TLX1: variants seen among roughly 807,000 people sequenced by gnomAD.
TLX1 encodes the protein T cell leukemia homeobox 1, also known as T-cell leukemia homeobox protein 1.
In TLX1, 6 loss-of-function variants were observed where a neutral mutation model predicts 26.5. That is an observed-to-expected ratio of 0.23 (90% CI 0.12 to 0.45). The LOEUF is 0.45. TLX1 is among the 20% of genes least tolerant of loss of function. The pLI, the probability that TLX1 is intolerant of heterozygous loss-of-function variation, is 0.99. For missense variants in TLX1, 418 were observed against 482.6 expected (o/e 0.87, Z 1.25); for synonymous variants, 217 against 219.7 (o/e 0.99, Z 0.11).
chr10:101,134,129 C>T, intron 1 of TLX1, 46 bp from the exon 2 acceptor site: 2 of 1,530,324 alleles, frequency 1.3e-6, no homozygotes, highest in Non-Finnish European at 1.8e-6. Context: ...CTGTCTGTCT[C>T]CCGCTCCAGT....
Position 101,137,294 on chromosome 10 carries a change from G to C in TLX1, c.*381G>C. ...TTGCCCTGGGAAACCCCTTCTCTGTGACCCACTTCTCATCACACACATGGA... is the reference window on the plus strand; with the variant it reads ...TTGCCCTGGGAAACCCCTTCTCTGTCACCCACTTCTCATCACACACATGGA... On this transcript the variant is annotated 3_prime_UTR_variant, in exon 3 of 3. Coordinates refer to ENST00000370196, the MANE Select transcript of TLX1 (RefSeq NM_005521.4). 1 of 332,684 alleles carries C rather than the reference G, an allele frequency of 3.0e-6. No individual in the cohort carries two copies. Among genetic ancestry groups the C allele is most frequent in the Non-Finnish European group, 5.6e-6 (1 of 179,378 alleles). 20.6% of individuals were successfully genotyped at this position (332,684 alleles called of 1,614,324 possible). A position where few individuals can be genotyped will look rare whatever the true frequency, so the allele number is the denominator to read the frequency against.
rs1293017815 is a variant in TLX1 at position 101,132,426 on chromosome 10, A to G, written c.568+317A>G. ...AGATTCAGGACCACCTTCTGCAGCT[A>G]CTCTTGGCCTGGGAATCTTAGAGAA... On this transcript the variant is annotated intron_variant, in intron 1 of 2. Transcript: ENST00000370196. This position sits in a 1 kb window ranked among gnomAD's most constrained non-coding sequence, Gnocchi z 4.1. 6.6e-6 allele frequency among the ~76,000 whole-genome samples: 1 copy of G among 151,870 alleles called. No individual in the cohort carries two copies. The highest frequency in any genetic ancestry group is 6.6e-5 in the Admixed American group (1 of 15,262).
intron 2 of TLX1, chr10:101,135,349 C>G (rs1410030724): frequency 1.9e-5 from 3 of 154,348 alleles, no homozygotes; most frequent in African/African-American, 7.2e-5. Context: ...TTTTTCTGAA[C>G]GAAGGCGAGG....
chr10:101,131,527 G>GGGGCCA lies in TLX1; in HGVS notation c.-7_-2dup, dbSNP rs940528700. Reference sequence around the variant, plus strand: ...AGCGCCGCCGCCCGGGCCCCCCGGTGGGGCCAGGGCCAGCATGGAGCACCT... The same window carrying GGGGCCA: ...AGCGCCGCCGCCCGGGCCCCCCGGTGGGGCCAGGGCCAGGGCCAGCATGGAGCACCT... On this transcript the variant is annotated 5_prime_UTR_variant, in exon 1 of 3. Coordinates refer to ENST00000370196, the MANE Select transcript of TLX1 (RefSeq NM_005521.4). 2.8e-6 allele frequency: 4 copies of GGGGCCA among 1,428,670 alleles called. No individual in the cohort carries two copies. In the African/African-American group the frequency reaches 6.0e-5, roughly 21 times the overall value. 88.5% of individuals were successfully genotyped at this position (1,428,670 alleles called of 1,614,324 possible).
chr10:101,137,011 C>G lies in TLX1; in HGVS notation c.*98C>G. ...CCCACCCTCCTGGCCTCAGACTGCA[C>G]CCAGGAGGGGAACACTGCCCTCGCA... On this transcript the variant is annotated 3_prime_UTR_variant, in exon 3 of 3. Transcript: ENST00000370196. 1 of 1,453,448 alleles carries G rather than the reference C, an allele frequency of 6.9e-7. No homozygotes were observed. The highest frequency in any genetic ancestry group is 9.3e-7 in the Non-Finnish European group (1 of 1,076,062). The allele number at this position is 1,453,448 out of a possible 1,614,324, so 90.0% of individuals were successfully genotyped here.
chr10:101,135,532 T>A (rs2134308481), intron 2 of TLX1: 1 of 153,956 alleles, frequency 6.5e-6, no homozygotes, highest in East Asian at 1.9e-4. Flanking sequence ...TTCCAAGGCC[T>A]ACTGAGGGCT....
chr10:101,136,863 G>A lies in TLX1; in HGVS notation c.943G>A (p.Asp315Asn). The A allele has an allele frequency of 1.2e-6, 2 of 1,613,482 alleles. No individual in the cohort carries two copies. Among genetic ancestry groups the A allele is most frequent in the Non-Finnish European group, 1.7e-6 (2 of 1,180,038 alleles). The change falls in exon 3 of 3, where the codon GAC becomes AAC. Residue 315 changes from aspartate (D) to asparagine (N), a missense_variant. By Grantham distance (23) the Asp-to-Asn change is conservative. Around this residue, in one of 3 missense-constraint regions of TLX1, gnomAD observed 78 missense variants for 92.2 expected, o/e 0.85. Coordinates refer to ENST00000370196, the MANE Select transcript of TLX1 (RefSeq NM_005521.4). Reference sequence around the variant, plus strand: ...GCAGAATCTGCAGCCGTGGTCTGACGACTCGACCAAAATCACTAGCGTCAC... The same window carrying A: ...GCAGAATCTGCAGCCGTGGTCTGACAACTCGACCAAAATCACTAGCGTCAC... ...ALQNLQPWSD[D>N]STKITSVTSV...
chr10:101,131,939 G>A lies in TLX1; in HGVS notation c.398G>A (p.Arg133Gln), dbSNP rs1940185088. The A allele has an allele frequency of 7.0e-7, 1 of 1,436,464 alleles. No individual in the cohort carries two copies. The highest frequency in any genetic ancestry group is 2.9e-5 in the East Asian group (1 of 34,070). The allele number at this position is 1,436,464 out of a possible 1,614,324, so 89.0% of individuals were successfully genotyped here. ...AGALSAAGVI[R>Q]VPAHRPLAGA... is the part of the protein sequence containing the mutation. ...GCACTCAGCGCTGCGGGGGTAATCC[G>A]GGTGCCGGCACACAGGCCGCTCGCC... is the stretch of plus-strand genomic sequence containing the variant. The change falls in exon 1 of 3, where the codon CGG (arginine) becomes CAG (glutamine). Residue 133 changes from arginine (R) to glutamine (Q), a missense_variant. Coordinates refer to ENST00000370196, the MANE Select transcript of TLX1 (RefSeq NM_005521.4).
Position 101,137,071 on chromosome 10 carries a change from T to C in TLX1, c.*158T>C. On this transcript the variant is annotated 3_prime_UTR_variant, in exon 3 of 3. Coordinates refer to ENST00000370196, the MANE Select transcript of TLX1 (RefSeq NM_005521.4). ...AGGGCCCCCACATTTGTGCCGACACTGTTCTCCCTTCGGTGGAAGAGCTCA... is the reference window on the plus strand; with the variant it reads ...AGGGCCCCCACATTTGTGCCGACACCGTTCTCCCTTCGGTGGAAGAGCTCA... 1.0e-6 allele frequency: 1 copy of C among 966,538 alleles called. No homozygotes were observed. The allele number at this position is 966,538 out of a possible 1,614,324, so 59.9% of individuals were successfully genotyped here.
In TLX1 at chr10:101,132,569, C is replaced by T. The variant is rs1940202326; in HGVS notation, c.568+460C>T. On this transcript the variant is annotated intron_variant, in intron 1 of 2. Transcript: ENST00000370196. The surrounding 1 kb of genome is among the most constrained non-coding windows in gnomAD (Gnocchi z 4.1). Reference sequence around the variant, plus strand: ...TCCCCCACCTCCAGTCCCCTACACACATGCACTTCGCGCCCCTAGCTCCGG... The same window carrying T: ...TCCCCCACCTCCAGTCCCCTACACATATGCACTTCGCGCCCCTAGCTCCGG... 6.6e-6 allele frequency among the ~76,000 whole-genome samples: 1 copy of T among 152,174 alleles called. No individual in the cohort carries two copies. Among genetic ancestry groups the T allele is most frequent in the Non-Finnish European group, 1.5e-5 (1 of 68,038 alleles).
intron 2 of TLX1, 159 bp from the exon 3 acceptor site, chr10:101,136,532 C>T: frequency 8.3e-7 from 1 of 1,202,036 alleles, no homozygotes; most frequent in South Asian, 1.3e-5. Flanking sequence ...TCAGGACTCT[C>T]AAAAGAAGGG....
chr10:101,137,175 T>C lies in TLX1; in HGVS notation c.*262T>C. Reference sequence around the variant, plus strand: ...GTTAAGAAATCTGTTTTTGTTTATTTCATTTTATTTTAATTTTTAACGTGG... The same window carrying C: ...GTTAAGAAATCTGTTTTTGTTTATTCCATTTTATTTTAATTTTTAACGTGG... On this transcript the variant is annotated 3_prime_UTR_variant, in exon 3 of 3. Coordinates refer to ENST00000370196, the MANE Select transcript of TLX1 (RefSeq NM_005521.4). The C allele has an allele frequency of 2.0e-6, 1 of 491,024 alleles. No individual in the cohort carries two copies. The highest frequency in any genetic ancestry group is 3.6e-5 in the South Asian group (1 of 27,448). 30.4% of individuals were successfully genotyped at this position (491,024 alleles called of 1,614,324 possible).
chr10:101,135,556 A>T (rs1198491373), intron 2 of TLX1: 2 of 153,238 alleles, frequency 1.3e-5, no homozygotes, highest in African/African-American at 4.8e-5. Context: ...GGCCTAGGGG[A>T]GGAGAGGCAG....
intron 2 of TLX1, 133 bp downstream of exon 2, chr10:101,134,509 G>T (rs2134305753): frequency 9.4e-7 from 1 of 1,064,028 alleles, no homozygotes; most frequent in East Asian, 2.6e-5. Flanking sequence ...GCGAGCTCCC[G>T]CTAGGCTTGC....
At chr10:101,133,220 G>C (rs1940217776) in intron 1 of TLX1, 1 of 152,388 alleles carries the variant, frequency 6.6e-6, no homozygotes, top group Non-Finnish European at 1.5e-5. Flanking sequence ...CTGAGAGCTA[G>C]ATACTGGGCC....
rs1387759308 is a variant in TLX1 at position 101,132,497 on chromosome 10, G to A, written c.568+388G>A. ...TTCTTCCGTCCTGGCTGCTGTTCTA[G>A]GACCCAGGAAGCGAGCCCCAGGATC... On this transcript the variant is annotated intron_variant, in intron 1 of 2. Coordinates refer to ENST00000370196, the MANE Select transcript of TLX1 (RefSeq NM_005521.4). This position sits in a 1 kb window ranked among gnomAD's most constrained non-coding sequence, Gnocchi z 4.1. 6.6e-6 allele frequency among the ~76,000 whole-genome samples: 1 copy of A among 152,160 alleles called. No individual in the cohort carries two copies. The highest frequency in any genetic ancestry group is 6.5e-5 in the Admixed American group (1 of 15,282).
At chr10:101,133,735 T>A (rs1171391213) in intron 1 of TLX1, among the ~76,000 whole-genome samples, 1 of 152,116 alleles carries the variant, frequency 6.6e-6, no homozygotes, top group African/African-American at 2.4e-5. Context: ...CGTTGTACGT[T>A]GTGTTGGTGT....
In TLX1 at chr10:101,135,125, C is replaced by T. The variant is rs575636151; in HGVS notation, c.770+749C>T. 2.9e-4 allele frequency among the ~76,000 whole-genome samples: 44 copies of T among 152,386 alleles called. No individual in the cohort carries two copies. In the Middle Eastern group the frequency reaches 0.01, roughly 35 times the overall value. ...AGCGTCCCCAACACTCTCGAGCAGC[C>T]TCCCTCTCCGCGCGCACTGACGCTT... On this transcript the variant is annotated intron_variant, in intron 2 of 2. Transcript: ENST00000370196.
rs553002442 is a variant in TLX1, at chr10:101,134,179, C to A, written c.573C>A (p.His191Gln). 3.1e-6 allele frequency: 5 copies of A among 1,603,270 alleles called. No homozygotes were observed. In the South Asian group the frequency reaches 5.6e-5, roughly 18 times the overall value. ...TCACTGTAACACGCCGTATAGGTCA[C>A]CCCTATCAGAACCGGACGCCCCCCA... ...RRYTKDRFTG[H>Q]PYQNRTPPKK... The change falls in exon 2 of 3, where the codon CAC becomes CAA. Residue 191 changes from histidine (H) to glutamine (Q), a missense_variant. By Grantham distance (24) the His-to-Gln change is conservative. Coordinates refer to ENST00000370196, the MANE Select transcript of TLX1 (RefSeq NM_005521.4).
Sources: allele counts gnomAD v4.1 joint callset (sites outside exome capture counted in the v4.1 genomes callset), GRCh38; gene constraint gnomAD v4.1.1; regional missense constraint gnomAD v4.1.1; non-coding constraint Gnocchi (gnomAD v3.1); transcripts MANE v1.5; gene names NCBI Gene and HGNC (gene_info 2026-07-23, HGNC 2026-07-21).